Variants in KCNMA1 observed in about 807,000 individuals in gnomAD.
KCNMA1 encodes potassium calcium-activated channel subfamily M alpha 1.
A neutral mutation model predicts 140.0 loss-of-function variants in KCNMA1; 29 were observed. The observed-to-expected ratio is 0.21, with a 90% CI of 0.15 to 0.28. The LOEUF is 0.28. Among genes scored for constraint, KCNMA1 ranks in the 10% least tolerant of loss-of-function variants. The pLI is 1.00. For missense variants in KCNMA1, 880 were observed against 1,602.2 expected, an observed-to-expected ratio of 0.55 and a Z score of 7.70; for synonymous variants, 612 against 611.9, an observed-to-expected ratio of 1.00 and a Z score of 0.00.
At position 77,294,047 on chromosome 10, in the gene KCNMA1, C is replaced by T. The variant is rs76075642; in HGVS notation, c.541-42791G>A. 1.2e-3 allele frequency among the ~76,000 whole-genome samples: 177 copies of T among 152,348 alleles called. 3 individuals carry two copies. The East Asian group carries it at 0.028, about 24-fold the overall frequency. On this transcript the variant is annotated intron_variant, in intron 2 of 27. Coordinates refer to ENST00000286628, the MANE Select transcript of KCNMA1 (RefSeq NM_001161352.2). ...CAGGTCTGTTCCTCCCAGAATAGCC[C>T]GCCACTGCGGTACTCAAATCAAAGT... is the stretch of plus-strand genomic sequence containing the variant.
chr10:76,944,076 A>G (rs1435203417), intron 23 of KCNMA1, among the ~76,000 whole-genome samples: 2 of 152,142 alleles, frequency 1.3e-5, no homozygotes, highest in Non-Finnish European at 2.9e-5. Flanking sequence ...ATCCTGCCAG[A>G]TCCTGATTAC....
chr10:77,132,292 A>G (rs1454009307), intron 5 of KCNMA1, among the ~76,000 whole-genome samples: 1 of 152,182 alleles, frequency 6.6e-6, no homozygotes, highest in African/African-American at 2.4e-5. Flanking sequence ...GAACTATCAC[A>G]CAGCCATCTT....
At chr10:77,229,525 C>A (rs191603337) in intron 3 of KCNMA1, among the ~76,000 whole-genome samples, 20 of 152,284 alleles carry the variant, frequency 1.3e-4, no homozygotes, top group African/African-American at 4.6e-4. Context: ...CATCTCTTCA[C>A]CCCAGTATAT....
intron 1 of KCNMA1, among the ~76,000 whole-genome samples, chr10:77,598,701 C>T (rs1002184191): frequency 6.6e-6 from 1 of 152,168 alleles, no homozygotes; most frequent in Admixed American, 6.5e-5. Context: ...GAGAGAGGGA[C>T]CCAGGCCACG....
chr10:77,379,800 GCCCC>G (rs2095316575), intron 2 of KCNMA1, among the ~76,000 whole-genome samples: 1 of 151,988 alleles, frequency 6.6e-6, no homozygotes, highest in South Asian at 2.1e-4. Flanking sequence ...CCCCATCCCT[GCCCC>G]ATAATGCTGC....
At chr10:76,898,224 A>G (rs2043470206) in intron 25 of KCNMA1, among the ~76,000 whole-genome samples, 1 of 151,948 alleles carries the variant, frequency 6.6e-6, no homozygotes. Context: ...GAAAAAAAGT[A>G]TAGCTTCAAA....
chr10:77,532,639 A>G (rs148254386), intron 1 of KCNMA1, among the ~76,000 whole-genome samples: 1 of 152,364 alleles, frequency 6.6e-6, no homozygotes, highest in Non-Finnish European at 1.5e-5. Flanking sequence ...TTTTTAAAGC[A>G]AAGTTAGGAT....
intron 17 of KCNMA1, among the ~76,000 whole-genome samples, chr10:77,017,007 C>T (rs927760480): frequency 2.0e-5 from 3 of 152,298 alleles, no homozygotes; most frequent in African/African-American, 7.2e-5. Flanking sequence ...CCCTAACTGA[C>T]AGCATTTGCT....
chr10:77,031,661 C>T (rs2093949227), intron 15 of KCNMA1, among the ~76,000 whole-genome samples: 1 of 152,122 alleles, frequency 6.6e-6, no homozygotes, highest in Non-Finnish European at 1.5e-5. Flanking sequence ...GGCTTAAGGA[C>T]TGCATCCTGT....
At chr10:77,297,868 TGGAGACCCAAAG>T (rs1333251277) in intron 2 of KCNMA1, among the ~76,000 whole-genome samples, 1 of 152,154 alleles carries the variant, frequency 6.6e-6, no homozygotes, top group South Asian at 2.1e-4. Context: ...GATTCCAAGA[TGGAGACCCAAAG>T]GGAGACCTGT....
chr10:77,117,192 T>C (rs1256801718), intron 6 of KCNMA1, among the ~76,000 whole-genome samples: 1 of 152,144 alleles, frequency 6.6e-6, no homozygotes, highest in Admixed American at 6.5e-5. Context: ...TGGAGGCAAT[T>C]TTACTTTATC....
At chr10:77,528,639 C>G (rs1389593838) in intron 1 of KCNMA1, among the ~76,000 whole-genome samples, 1 of 145,224 alleles carries the variant, frequency 6.9e-6, no homozygotes, top group East Asian at 2.3e-4. Flanking sequence ...GAAAAGATAC[C>G]AACAAAAGCT....
chr10:77,127,071 AACACACACAC>A lies in KCNMA1; in HGVS notation c.809-6033_809-6024del, dbSNP rs60249347. Among the ~76,000 whole-genome samples, 534 of 146,486 alleles carry A rather than the reference AACACACACAC, an allele frequency of 3.6e-3. 2 individuals carry two copies. The highest frequency in any genetic ancestry group is 0.028 in the East Asian group (137 of 4,942). ...TAGAAAGCCCAGAAACACACACACA[AACACACACAC>A]ACACACACACACACACACACACACA... On this transcript the variant is annotated intron_variant, in intron 5 of 27. Coordinates refer to ENST00000286628, the MANE Select transcript of KCNMA1 (RefSeq NM_001161352.2).
At chr10:77,605,182 C>A (rs1515416) in intron 1 of KCNMA1, among the ~76,000 whole-genome samples, 13,508 of 152,268 alleles carry the variant, frequency 0.089, 1,742 homozygotes, top group East Asian at 0.64. Context: ...CTGAAAGGTC[C>A]TCAGAGGCCA....
chr10:77,204,858 C>T (rs1450916254), intron 3 of KCNMA1, among the ~76,000 whole-genome samples: 1 of 152,132 alleles, frequency 6.6e-6, no homozygotes, highest in Admixed American at 6.5e-5. Context: ...ATGAAAGACC[C>T]CACGGGTGAC....
intron 23 of KCNMA1, among the ~76,000 whole-genome samples, chr10:76,934,643 T>C (rs1565007549): frequency 6.6e-6 from 1 of 152,208 alleles, no homozygotes; most frequent in African/African-American, 2.4e-5. Context: ...ACAGGGGCAC[T>C]AACCTCATGC....
At chr10:77,518,345 A>C (rs1409795290) in intron 1 of KCNMA1, among the ~76,000 whole-genome samples, 1 of 152,242 alleles carries the variant, frequency 6.6e-6, no homozygotes, top group Non-Finnish European at 1.5e-5. Flanking sequence ...CTATATCTTC[A>C]GCACCCAGAA....
chr10:77,018,290 T>G (rs1156996722), intron 17 of KCNMA1, among the ~76,000 whole-genome samples: 1 of 152,224 alleles, frequency 6.6e-6, no homozygotes, highest in Non-Finnish European at 1.5e-5. Context: ...AATATTACTG[T>G]TGAGCTGAAT....
chr10:77,603,002 T>C (rs1319321409), intron 1 of KCNMA1, among the ~76,000 whole-genome samples: 1 of 152,016 alleles, frequency 6.6e-6, no homozygotes, highest in African/African-American at 2.4e-5. Flanking sequence ...TGGCAGGAAG[T>C]GGGGCTGCAA....
Sources: gnomAD v4.1 joint callset for allele counts (sites outside exome capture counted in the v4.1 genomes callset) on GRCh38, gnomAD v4.1.1 for gene constraint, MANE v1.5 for transcripts, NCBI Gene and HGNC (gene_info 2026-07-23, HGNC 2026-07-21) for gene names.